The following DTHD1 variants were observed in gnomAD, a reference collection of about 807,000 sequenced individuals.
DTHD1 encodes death domain-containing protein 1.
DTHD1 carries 59 observed loss-of-function variants against 74.8 expected under a neutral mutation model. The ratio of observed to expected loss-of-function variants is 0.79; its 90% CI spans 0.64 to 0.98. The LOEUF is 0.98. Ranked by LOEUF, DTHD1 falls within the 50% of genes least tolerant of loss-of-function variation. The pLI, the probability that DTHD1 is intolerant of heterozygous loss-of-function variation, is 0.00. For synonymous variants in DTHD1, 365 were observed against 371.1 expected, an observed-to-expected ratio of 0.98 and a Z score of 0.19; for missense variants, 1,051 against 1,065.4, an observed-to-expected ratio of 0.99 and a Z score of 0.19.
intron 8 of DTHD1, among the ~76,000 whole-genome samples, chr4:36,324,221 C>T (rs1414169328): frequency 1.3e-5 from 2 of 151,796 alleles, no homozygotes; most frequent in South Asian, 4.2e-4. Context: ...TTCCTCTGCA[C>T]CTTCTTTTTC....
At chr4:36,291,686 G>A (rs1444583182) in intron 3 of DTHD1, among the ~76,000 whole-genome samples, 1 of 152,110 alleles carries the variant, frequency 6.6e-6, no homozygotes, top group Non-Finnish European at 1.5e-5. Context: ...AAATTAGCTG[G>A]GCCTGGTAGT....
rs1759448183 is a variant in DTHD1 at position 36,343,679 on chromosome 4, T to C, written c.2576T>C (p.Leu859Pro). ...TTTCTTTGCTTCTGGAAAAAATCGC[T>C]TCCAACTTTCACCGACAAACTTCGC... ...HEFLCFWKKS[L>P]PTFTDKLRLL... The change falls in exon 10 of 10, where the codon CTT becomes CCT. Residue 859 changes from leucine (L) to proline (P), a missense_variant. Coordinates refer to ENST00000639862, the MANE Select transcript of DTHD1 (RefSeq NM_001170700.3). 1.3e-6 allele frequency: 2 copies of C among 1,551,636 alleles called. No homozygotes were observed.
At chr4:36,333,513 G>C (rs377550440) in intron 8 of DTHD1, 22 of 152,030 alleles carry the variant, frequency 1.4e-4, no homozygotes, top group East Asian at 1.2e-3. Flanking sequence ...GAGAGCTTAG[G>C]GTGGCCACTA....
At chr4:36,299,152 T>C (rs1756613008) in intron 5 of DTHD1, among the ~76,000 whole-genome samples, 1 of 152,130 alleles carries the variant, frequency 6.6e-6, no homozygotes, top group Non-Finnish European at 1.5e-5. Context: ...TGTATTTCTC[T>C]GTTTGATCAC....
At chr4:36,291,983 T>C (rs1756110039) in intron 3 of DTHD1, among the ~76,000 whole-genome samples, 1 of 152,148 alleles carries the variant, frequency 6.6e-6, no homozygotes, top group Admixed American at 6.5e-5. Context: ...AGGGAATAAA[T>C]GTAAAAAAAT....
intron 8 of DTHD1, among the ~76,000 whole-genome samples, chr4:36,321,131 A>T (rs942582620): frequency 6.6e-6 from 1 of 152,138 alleles, no homozygotes; most frequent in Non-Finnish European, 1.5e-5. Context: ...GTGTATCCCA[A>T]AGGCTCAACG....
chr4:36,294,732 A>C, intron 4 of DTHD1, 63 bp from the exon 5 acceptor site: 1 of 1,426,054 alleles, frequency 7.0e-7, no homozygotes, highest in South Asian at 1.6e-5. Context: ...ACTGGATTAG[A>C]AATGTACCAA....
chr4:36,287,250 A>G (rs1193384137), intron 2 of DTHD1, among the ~76,000 whole-genome samples: 1 of 152,228 alleles, frequency 6.6e-6, no homozygotes, highest in Non-Finnish European at 1.5e-5. Flanking sequence ...ATTCCTGAGT[A>G]ACTTCAGTTA....
At chr4:36,322,068 A>G (rs983435817) in intron 8 of DTHD1, among the ~76,000 whole-genome samples, 18 of 151,924 alleles carry the variant, frequency 1.2e-4, no homozygotes, top group African/African-American at 4.1e-4. Flanking sequence ...TAACATTGCA[A>G]TCTACTCTTA....
chr4:36,337,206 G>A (rs1352068026), intron 8 of DTHD1, among the ~76,000 whole-genome samples: 2 of 151,554 alleles, frequency 1.3e-5, no homozygotes, highest in Non-Finnish European at 2.9e-5. Flanking sequence ...GAAAGTGAAG[G>A]GAAAAGAAGG....
At chr4:36,285,795 T>C (rs1050953343) in intron 2 of DTHD1, among the ~76,000 whole-genome samples, 1 of 152,196 alleles carries the variant, frequency 6.6e-6, no homozygotes, top group African/African-American at 2.4e-5. Flanking sequence ...CTGGGATTAT[T>C]TGGTAAGGTC....
At chr4:36,318,856 C>T (rs983100530) in intron 8 of DTHD1, among the ~76,000 whole-genome samples, 2 of 152,160 alleles carry the variant, frequency 1.3e-5, no homozygotes, top group East Asian at 1.9e-4. Context: ...CCTCGTGATC[C>T]GCCCGCCTCG....
chr4:36,297,933 T>C (rs1461342953), intron 5 of DTHD1, among the ~76,000 whole-genome samples: 4 of 141,826 alleles, frequency 2.8e-5, no homozygotes, highest in Non-Finnish European at 4.8e-5. Flanking sequence ...TGTGTGTGTG[T>C]GCACGTGTGT....
At position 36,286,764 on chromosome 4, in the gene DTHD1, G is replaced by A. The variant is rs559884023; in HGVS notation, c.887+2173G>A. On this transcript the variant is annotated intron_variant, in intron 2 of 9. Coordinates refer to ENST00000639862, the MANE Select transcript of DTHD1 (RefSeq NM_001170700.3). The stretch of plus-strand genomic sequence containing the variant: ...TGCTCCCAGGCCACAGACCTGTAAA[G>A]TATGTTACTATACGGAATACTTTAG... Among the ~76,000 whole-genome samples the A allele has an allele frequency of 5.3e-5, 8 of 152,282 alleles. No homozygotes were observed. The South Asian group carries it at 1.7e-3, about 32-fold the overall frequency.
chr4:36,331,389 A>G (rs1248342900), intron 8 of DTHD1, among the ~76,000 whole-genome samples: 2 of 152,214 alleles, frequency 1.3e-5, no homozygotes, highest in Non-Finnish European at 2.9e-5. Context: ...GAAGTGGTCT[A>G]TATGCAAAAT....
At chr4:36,327,402 A>G (rs1434510144) in intron 8 of DTHD1, among the ~76,000 whole-genome samples, 1 of 152,344 alleles carries the variant, frequency 6.6e-6, no homozygotes, top group East Asian at 1.9e-4. Context: ...GTGGAACAAT[A>G]AAGAGAGGAG....
Position 36,347,364 on chromosome 4 carries a change from A to G in DTHD1, c.*3540A>G, listed in dbSNP as rs1759639434. ...CAATGGTTCATTCTCATTAATGTAT[A>G]ATATTCTATTATATGCATATATTAA... On this transcript the variant is annotated 3_prime_UTR_variant, in exon 10 of 10. Transcript: ENST00000639862. 6.6e-6 allele frequency among the ~76,000 whole-genome samples: 1 copy of G among 152,136 alleles called. No homozygotes were observed. Among genetic ancestry groups the G allele is most frequent in the Non-Finnish European group, 1.5e-5 (1 of 68,004 alleles).
chr4:36,315,014 C>T (rs1396288955), intron 7 of DTHD1, among the ~76,000 whole-genome samples: 4 of 152,172 alleles, frequency 2.6e-5, no homozygotes, highest in Non-Finnish European at 5.9e-5. Context: ...CAAGTATTAA[C>T]AGATAAATAT....
At position 36,281,727 on chromosome 4, in the gene DTHD1, C is replaced by G. The variant is rs1026798485; in HGVS notation, c.-32C>G. On this transcript the variant is annotated 5_prime_UTR_variant, in exon 1 of 10. Transcript: ENST00000639862. ...TTGCAAAACCTTTAGGCTTTGCTGG[C>G]AGGAGAGAAAATACCACTTTTGGAT... 4.9e-6 allele frequency: 6 copies of G among 1,234,744 alleles called. No individual in the cohort carries two copies. Among genetic ancestry groups the G allele is most frequent in the Non-Finnish European group, 5.1e-6 (5 of 988,568 alleles). The allele number at this position is 1,234,744 out of a possible 1,614,324, so 76.5% of individuals were successfully genotyped here.
Sources: gnomAD v4.1 joint callset for allele counts (sites outside exome capture counted in the v4.1 genomes callset) on GRCh38, gnomAD v4.1.1 for gene constraint, MANE v1.5 for transcripts, NCBI Gene and HGNC (gene_info 2026-07-23, HGNC 2026-07-21) for gene names.